Variants in PALD1 observed in about 807,000 individuals in gnomAD.
PALD1 encodes the protein paladin.
Under a neutral mutation model 96.0 loss-of-function variants are expected in PALD1, and 57 were observed. That is an observed-to-expected ratio of 0.59 (90% CI 0.48 to 0.74). PALD1 has a LOEUF of 0.74. Ranked by LOEUF, PALD1 falls within the 30% of genes least tolerant of loss-of-function variation. PALD1 has a pLI of 0.00. For missense variants in PALD1, 1,063 were observed against 1,143.7 expected (o/e 0.93, Z 1.02); for synonymous variants, 464 against 473.6 (o/e 0.98, Z 0.26).
intron 18 of PALD1, among the ~76,000 whole-genome samples, chr10:70,551,384 C>T (rs1246658964): frequency 6.6e-6 from 1 of 152,172 alleles, no homozygotes; most frequent in African/African-American, 2.4e-5. Flanking sequence ...GTGCCATCAG[C>T]CTGGTCAGAT....
intron 18 of PALD1, among the ~76,000 whole-genome samples, chr10:70,550,568 A>C (rs1226396936): frequency 2.0e-5 from 3 of 152,184 alleles, no homozygotes; most frequent in African/African-American, 7.2e-5. Flanking sequence ...TGCATCCAGC[A>C]CCACATCAAG....
At chr10:70,459,996 G>A in the PALD1 span, among the ~76,000 whole-genome samples, 1 of 152,232 alleles carries the variant, frequency 6.6e-6, no homozygotes, top group South Asian at 2.1e-4. Context: ...CCACCATGGC[G>A]TCTGCCCTGG....
the PALD1 span, among the ~76,000 whole-genome samples, chr10:70,473,286 C>T: frequency 6.6e-6 from 1 of 152,184 alleles, no homozygotes; most frequent in Admixed American, 6.5e-5. Flanking sequence ...GTCTGCCTCT[C>T]CCACAGGTCT....
the PALD1 span, among the ~76,000 whole-genome samples, chr10:70,460,418 G>C: frequency 3.3e-5 from 5 of 152,106 alleles, no homozygotes; most frequent in African/African-American, 1.2e-4. Flanking sequence ...AGTCATCTCC[G>C]GCTCCATTCA....
At chr10:70,559,093 G>A (rs2132440382) in intron 18 of PALD1, among the ~76,000 whole-genome samples, 1 of 152,230 alleles carries the variant, frequency 6.6e-6, no homozygotes, top group East Asian at 1.9e-4. Context: ...CTTTCTCCTG[G>A]TCCCGCCAGC....
intron 19 of PALD1, among the ~76,000 whole-genome samples, chr10:70,565,945 G>A (rs1847840669): frequency 6.6e-6 from 1 of 152,240 alleles, no homozygotes; most frequent in South Asian, 2.1e-4. Flanking sequence ...GGTCCAGGCA[G>A]AAGTGTGGGT....
In PALD1 at chr10:70,478,780, G is replaced by C. The variant is rs994005156; in HGVS notation, c.-309G>C. 4 of 151,658 alleles carry C rather than the reference G, an allele frequency of 2.6e-5. No individual in the cohort carries two copies. The highest frequency in any genetic ancestry group is 1.9e-4 in the East Asian group (1 of 5,162). 9.4% of individuals were successfully genotyped at this position (151,658 alleles called of 1,614,324 possible). The stretch of plus-strand genomic sequence containing the variant: ...GGTCCGCCCCTCGGCGTTGGGTAGC[G>C]GGGCGCTGGGGAGCAGCGCGGCGCG... On this transcript the variant is annotated 5_prime_UTR_variant, in exon 1 of 20. Transcript: ENST00000263563.
intron 10 of PALD1, among the ~76,000 whole-genome samples, chr10:70,535,743 C>CAGCT: frequency 6.6e-6 from 1 of 151,978 alleles, no homozygotes. Context: ...CTCTGTTGCC[C>CAGCT]AGGCTGGAGC....
chr10:70,539,834 C>A lies in PALD1; in HGVS notation c.1908+72C>A. On this transcript the variant is annotated intron_variant, in intron 15 of 19. Transcript: ENST00000263563. The surrounding 1 kb of genome is among the most constrained non-coding windows in gnomAD (Gnocchi z 4.5). ...CTCCCTGTCTCCCCTCTGGTCTGGG[C>A]TCTGGGAGAATGAAACGACCCCAGC... 1.5e-6 allele frequency: 2 copies of A among 1,369,882 alleles called. No homozygotes were observed. The highest frequency in any genetic ancestry group is 1.0e-6 in the Non-Finnish European group (1 of 999,840). The allele number at this position is 1,369,882 out of a possible 1,614,324, so 84.9% of individuals were successfully genotyped here. A position where few individuals can be genotyped will look rare whatever the true frequency, so the allele number is the denominator to read the frequency against.
At chr10:70,498,933 A>G (rs1846244041) in intron 1 of PALD1, among the ~76,000 whole-genome samples, 1 of 151,990 alleles carries the variant, frequency 6.6e-6, no homozygotes, top group South Asian at 2.1e-4. Flanking sequence ...TATCTCAGAA[A>G]AAAAAAAAAA....
chr10:70,514,284 G>C (rs879513336), intron 1 of PALD1, among the ~76,000 whole-genome samples: 4 of 152,162 alleles, frequency 2.6e-5, no homozygotes, highest in Non-Finnish European at 4.4e-5. Context: ...GGAAGTCAGG[G>C]CTGCCCCCCG....
intron 17 of PALD1, among the ~76,000 whole-genome samples, chr10:70,542,698 T>C (rs978314264): frequency 1.3e-5 from 2 of 152,200 alleles, no homozygotes; most frequent in Non-Finnish European, 2.9e-5. Context: ...ACTATTTGCT[T>C]CCACCTTTTG....
intron 1 of PALD1, among the ~76,000 whole-genome samples, chr10:70,512,636 G>C (rs867056630): frequency 6.6e-6 from 1 of 152,346 alleles, no homozygotes; most frequent in Middle Eastern, 3.4e-3. Context: ...GCCAAGAAGC[G>C]GGGACTGAAA....
At chr10:70,479,552 C>G (rs1247801609) in intron 1 of PALD1, among the ~76,000 whole-genome samples, 1 of 152,152 alleles carries the variant, frequency 6.6e-6, no homozygotes, top group Non-Finnish European at 1.5e-5. Flanking sequence ...TCTGTAGGCC[C>G]GGGTCTCCAA....
At chr10:70,524,297 G>C (rs908367052) in intron 1 of PALD1, among the ~76,000 whole-genome samples, 5 of 152,164 alleles carry the variant, frequency 3.3e-5, no homozygotes, top group Admixed American at 3.3e-4. Flanking sequence ...CAGTGGCCAC[G>C]GAGCTCCCAG....
chr10:70,549,741 G>A (rs1847442129), intron 18 of PALD1, among the ~76,000 whole-genome samples: 1 of 152,262 alleles, frequency 6.6e-6, no homozygotes, highest in Non-Finnish European at 1.5e-5. Context: ...CCTGGACATT[G>A]GAGAGGGAAG....
At chr10:70,489,659 A>G (rs1459842142) in intron 1 of PALD1, among the ~76,000 whole-genome samples, 1 of 152,152 alleles carries the variant, frequency 6.6e-6, no homozygotes, top group Non-Finnish European at 1.5e-5. Context: ...GTGGACTTCC[A>G]ATTCACAGCC....
rs1847214242 is a variant in PALD1, at chr10:70,540,216, T to TC, written c.1908+456dup. Among the ~76,000 whole-genome samples, 3 of 151,558 alleles carry TC rather than the reference T, an allele frequency of 2.0e-5. No homozygotes were observed. The highest frequency in any genetic ancestry group is 2.0e-4 in the Admixed American group (3 of 15,196). On this transcript the variant is annotated intron_variant, in intron 15 of 19. Transcript: ENST00000263563. The surrounding 1 kb of genome is among the most constrained non-coding windows in gnomAD (Gnocchi z 4.2). ...TGTGTGTGTGTTGAGGGTGAACATG[T>TC]CCAGGGTGTCCGTGGTGTGTGTGTC...
rs184859256 is a variant in PALD1, at chr10:70,513,340, T to A, written c.-29-12583T>A. On this transcript the variant is annotated intron_variant, in intron 1 of 19. Transcript: ENST00000263563. The stretch of plus-strand genomic sequence containing the variant: ...TGAAACCCCATCTCTGCAAAAAAAA[T>A]AAATAAATAAATAATTAAAAAATTA... 9.5e-3 allele frequency among the ~76,000 whole-genome samples: 1,438 copies of A among 151,836 alleles called. 8 individuals are homozygous for A. Among genetic ancestry groups the A allele is most frequent in the South Asian group, 0.043 (205 of 4,806 alleles).
Sources: gnomAD v4.1 joint callset for allele counts (sites outside exome capture counted in the v4.1 genomes callset) on GRCh38, gnomAD v4.1.1 for gene constraint, Gnocchi (gnomAD v3.1) non-coding constraint, MANE v1.5 for transcripts, NCBI Gene and HGNC (gene_info 2026-07-23, HGNC 2026-07-21) for gene names.